Variants in NCALD observed in about 807,000 individuals in gnomAD.
The protein encoded by NCALD is neurocalcin-delta.
Under a neutral mutation model 18.6 loss-of-function variants are expected in NCALD, and 10 were observed. The observed-to-expected ratio is 0.54, with a 90% CI of 0.33 to 0.91. NCALD has a LOEUF of 0.91. Among genes scored for constraint, NCALD ranks in the 40% least tolerant of loss-of-function variants. NCALD has a pLI of 0.03. For synonymous variants in NCALD, 88 were observed against 87.4 expected (o/e 1.01, Z -0.04); for missense variants, 184 against 247.6 (o/e 0.74, Z 1.72).
chr8:101,864,156 C>T (rs1815660775), intron 4 of NCALD, among the ~76,000 whole-genome samples: 1 of 152,208 alleles, frequency 6.6e-6, no homozygotes, highest in African/African-American at 2.4e-5. Context: ...CTATAAGACA[C>T]TTAAAGCAAG....
At chr8:101,705,653 A>G (rs1815480379) in intron 2 of NCALD, among the ~76,000 whole-genome samples, 1 of 152,278 alleles carries the variant, frequency 6.6e-6, no homozygotes, top group Non-Finnish European at 1.5e-5. Flanking sequence ...AAAAGGAGAT[A>G]CAGCTCTGCC....
intron 1 of NCALD, among the ~76,000 whole-genome samples, chr8:101,730,166 T>C (rs556320285): frequency 7.9e-5 from 12 of 152,188 alleles, no homozygotes; most frequent in Non-Finnish European, 1.5e-4. Flanking sequence ...TTCTATATTA[T>C]TCTTTAACCT....
intron 1 of NCALD, among the ~76,000 whole-genome samples, chr8:101,747,100 G>A (rs1358613723): frequency 6.6e-6 from 1 of 152,140 alleles, no homozygotes; most frequent in Non-Finnish European, 1.5e-5. Context: ...CTCTGCTTTG[G>A]AAAGTTCCCG....
At chr8:102,007,202 C>G (rs374250687) in intron 2 of NCALD, among the ~76,000 whole-genome samples, 1 of 152,076 alleles carries the variant, frequency 6.6e-6, no homozygotes, top group South Asian at 2.1e-4. Flanking sequence ...TAGCTTGGTT[C>G]GTATTACTAT....
chr8:101,773,994 A>C (rs929517137), intron 1 of NCALD, among the ~76,000 whole-genome samples: 1 of 152,204 alleles, frequency 6.6e-6, no homozygotes, highest in Non-Finnish European at 1.5e-5. Context: ...GTGGTCATGG[A>C]GTACCGCTTA....
intron 1 of NCALD, among the ~76,000 whole-genome samples, chr8:102,028,838 AG>A (rs1168225700): frequency 1.4e-4 from 21 of 152,284 alleles, no homozygotes; most frequent in African/African-American, 2.6e-4. Flanking sequence ...TTGAGAGTAA[AG>A]GGGGGTACTA....
At chr8:102,082,235 T>A (rs557306348) in intron 1 of NCALD, among the ~76,000 whole-genome samples, 46 of 136,414 alleles carry the variant, frequency 3.4e-4, no homozygotes, top group African/African-American at 1.4e-3. Flanking sequence ...TCTTTTTTTT[T>A]TTTTTTTTTT....
At chr8:101,892,393 TA>T (rs765745080) in intron 3 of NCALD, among the ~76,000 whole-genome samples, 3 of 148,118 alleles carry the variant, frequency 2.0e-5, no homozygotes, top group African/African-American at 5.3e-5. Context: ...CAAAAGTAGA[TA>T]AAACCACAAA....
At chr8:102,046,454 A>G (rs1823242933) in intron 1 of NCALD, among the ~76,000 whole-genome samples, 1 of 152,150 alleles carries the variant, frequency 6.6e-6, no homozygotes, top group African/African-American at 2.4e-5. Context: ...TCTTCTAGTC[A>G]TTTTTTATTA....
chr8:101,705,710 T>C (rs1001741693), intron 2 of NCALD, among the ~76,000 whole-genome samples: 1 of 152,136 alleles, frequency 6.6e-6, no homozygotes, highest in African/African-American at 2.4e-5. Context: ...TGAGCTGCCA[T>C]GTGAGGAGTC....
intron 1 of NCALD, among the ~76,000 whole-genome samples, chr8:102,083,384 T>C (rs1824614944): frequency 6.6e-6 from 1 of 152,208 alleles, no homozygotes; most frequent in South Asian, 2.1e-4. Context: ...AATTAAAGCT[T>C]GATGGCTGCA....
chr8:101,741,986 G>A lies in NCALD; in HGVS notation c.-19-22338C>T, dbSNP rs1315621640. Among the ~76,000 whole-genome samples, 20 of 149,442 alleles carry A rather than the reference G, an allele frequency of 1.3e-4. 1 individual carries two copies. Among genetic ancestry groups the A allele is most frequent in the Non-Finnish European group, 1.8e-4 (12 of 67,528 alleles). On this transcript the variant is annotated intron_variant, in intron 1 of 3. Coordinates refer to ENST00000220931, the MANE Select transcript of NCALD (RefSeq NM_032041.3). ...AAAAAAAAAAGGGCCGGGTGCGGTG[G>A]CTCACACCTGTAATCCCAGCACTTT...
intron 4 of NCALD, among the ~76,000 whole-genome samples, chr8:101,881,362 C>G (rs1327523571): frequency 6.6e-6 from 1 of 152,162 alleles, no homozygotes; most frequent in East Asian, 1.9e-4. Context: ...TGACAGAACA[C>G]ATTCTTCCCA....
At chr8:101,852,946 C>T (rs557556743) in intron 4 of NCALD, among the ~76,000 whole-genome samples, 1 of 152,092 alleles carries the variant, frequency 6.6e-6, no homozygotes, top group Non-Finnish European at 1.5e-5. Flanking sequence ...ATTTGCAGGC[C>T]AGTCGACATC....
intron 1 of NCALD, among the ~76,000 whole-genome samples, chr8:101,788,425 C>A (rs1036077987): frequency 3.3e-5 from 5 of 152,156 alleles, no homozygotes; most frequent in Non-Finnish European, 5.9e-5. Context: ...ATTTTCACCT[C>A]ATTTTACAGT....
At chr8:101,931,223 T>A (rs2131705066) in intron 2 of NCALD, among the ~76,000 whole-genome samples, 1 of 152,266 alleles carries the variant, frequency 6.6e-6, no homozygotes, top group African/African-American at 2.4e-5. Context: ...AGCCATTTGC[T>A]GCCAAATGGT....
intron 4 of NCALD, among the ~76,000 whole-genome samples, chr8:101,802,027 A>G (rs1812888626): frequency 6.6e-6 from 1 of 152,110 alleles, no homozygotes; most frequent in Non-Finnish European, 1.5e-5. Flanking sequence ...GATCTTTACA[A>G]ACTGAACGTT....
chr8:101,751,873 C>T (rs1810675256), intron 1 of NCALD, among the ~76,000 whole-genome samples: 1 of 152,172 alleles, frequency 6.6e-6, no homozygotes, highest in South Asian at 2.1e-4. Flanking sequence ...CCACATAATC[C>T]TGCTGTATTC....
At chr8:101,949,623 A>G (rs186444151) in intron 2 of NCALD, among the ~76,000 whole-genome samples, 17 of 152,316 alleles carry the variant, frequency 1.1e-4, no homozygotes, top group Admixed American at 1.0e-3. Context: ...TCTCAGTTAC[A>G]GAGTATCCTT....
Sources: gnomAD v4.1 joint callset for allele counts (sites outside exome capture counted in the v4.1 genomes callset) on GRCh38, gnomAD v4.1.1 for gene constraint, MANE v1.5 for transcripts, NCBI Gene and HGNC (gene_info 2026-07-23, HGNC 2026-07-21) for gene names.